The following PCDHA6 variants were observed in gnomAD, a reference collection of about 807,000 sequenced individuals.
PCDHA6 encodes the protein protocadherin alpha-6.
A neutral mutation model predicts 60.3 loss-of-function variants in PCDHA6; 55 were observed. The ratio of observed to expected loss-of-function variants is 0.91; its 90% CI spans 0.73 to 1.14. The LOEUF (loss-of-function observed/expected upper bound fraction) is 1.14. PCDHA6 is among the 50% of genes most tolerant of loss of function. PCDHA6 has a pLI of 0.00. For synonymous variants in PCDHA6, 652 were observed against 557.9 expected, an observed-to-expected ratio of 1.17 and a Z score of -2.38; for missense variants, 1,327 against 1,256.5, an observed-to-expected ratio of 1.06 and a Z score of -0.85.
intron 1 of PCDHA6, chr5:140,856,129 C>T: frequency 6.3e-7 from 1 of 1,598,096 alleles, no homozygotes; most frequent in Non-Finnish European, 8.6e-7. Flanking sequence ...AGGTGGGGAG[C>T]GGCCAGCTCC....
intron 1 of PCDHA6, among the ~76,000 whole-genome samples, chr5:140,873,602 C>T (rs1554166789): frequency 6.6e-6 from 1 of 152,118 alleles, no homozygotes; most frequent in African/African-American, 2.4e-5. Flanking sequence ...TTAGATGTTC[C>T]TATTGGCTTA....
chr5:140,852,232 T>A (rs1441900683), intron 1 of PCDHA6: 2 of 602,048 alleles, frequency 3.3e-6, no homozygotes, highest in African/African-American at 4.0e-5. Context: ...TTTTAAATTT[T>A]CCCTTAAAAC....
chr5:140,926,798 C>G, intron 1 of PCDHA6: 2 of 1,455,342 alleles, frequency 1.4e-6, no homozygotes, highest in Non-Finnish European at 1.8e-6. Flanking sequence ...GGAGCGTGCT[C>G]TTCCCCGCGG....
Position 140,978,960 on chromosome 5 carries a change from C to G in PCDHA6, c.2406C>G (p.Pro802=), listed in dbSNP as rs560855761. The G allele has an allele frequency of 2.6e-5, 42 of 1,614,120 alleles. No homozygotes were observed. The highest frequency in any genetic ancestry group is 2.5e-4 in the African/African-American group (19 of 75,024). The change falls in exon 2 of 4, where the codon CCC becomes CCG. Residue 802 remains proline, a synonymous_variant. Coordinates refer to ENST00000529310, the MANE Select transcript of PCDHA6 (RefSeq NM_018909.4). ...TTGTGATTTTGCAGCCACGACAGCC[C>G]AACCCTGACTGGCGTTACTCTGCCT... ...NEDHDAKPRQ[P]NPDWRYSASL...
intron 1 of PCDHA6, among the ~76,000 whole-genome samples, chr5:140,887,774 C>G (rs2061572628): frequency 6.6e-6 from 1 of 152,168 alleles, no homozygotes; most frequent in Non-Finnish European, 1.5e-5. Context: ...TACAATGACA[C>G]AGGTCATTGA....
At chr5:140,856,713 C>T in intron 1 of PCDHA6, 1 of 1,596,470 alleles carries the variant, frequency 6.3e-7, no homozygotes, top group Non-Finnish European at 8.6e-7. Context: ...CCTGAATTTA[C>T]CGGATCTGTT....
chr5:140,840,105 T>A (rs1418979878), intron 1 of PCDHA6, among the ~76,000 whole-genome samples: 1 of 151,974 alleles, frequency 6.6e-6, no homozygotes, highest in Non-Finnish European at 1.5e-5. Context: ...TTTAGTGAAA[T>A]CGAGTGAAAG....
chr5:140,830,054 G>A lies in PCDHA6; in HGVS notation c.1963G>A (p.Gly655Ser), dbSNP rs2150180380. 4.3e-6 allele frequency: 7 copies of A among 1,613,740 alleles called. No homozygotes were observed. Among genetic ancestry groups the A allele is most frequent in the South Asian group, 1.1e-5 (1 of 91,076 alleles). The change falls in exon 1 of 4, where the codon GGT (glycine) becomes AGT (serine). Residue 655 changes from glycine to serine, a missense_variant. By Grantham distance (56) the Gly-to-Ser change is moderately conservative. Transcript: ENST00000529310. ...GCTGCTGGTGCTGGTGAAAGACCACGGTGAGCCGGCGCTGACAGCGACGGC... is the reference window on the plus strand; with the variant it reads ...GCTGCTGGTGCTGGTGAAAGACCACAGTGAGCCGGCGCTGACAGCGACGGC... ...HRLLVLVKDH[G>S]EPALTATATV...
Position 140,828,537 on chromosome 5 carries a change from A to C in PCDHA6, c.446A>C (p.Asp149Ala). 4 of 1,614,236 alleles carry C rather than the reference A, an allele frequency of 2.5e-6. No individual in the cohort carries two copies. Among genetic ancestry groups the C allele is most frequent in the Non-Finnish European group, 3.4e-6 (4 of 1,180,044 alleles). ...CTGATTTACGAATCTAGGCTGCCAG[A>C]TTCTGTGTTTCCACTGGAGGGCGCG... Reference protein sequence around the residue: ...RVLIYESRLPDSVFPLEGASD... With the variant: ...RVLIYESRLPASVFPLEGASD... The change falls in exon 1 of 4, where the codon GAT becomes GCT. Residue 149 changes from aspartate (D) to alanine (A), a missense_variant. Physicochemically the swap from Asp to Ala is moderately radical, Grantham distance 126 (BLOSUM62 -2). Coordinates refer to ENST00000529310, the MANE Select transcript of PCDHA6 (RefSeq NM_018909.4).
chr5:140,830,283 C>T lies in PCDHA6; in HGVS notation c.2192C>T (p.Ala731Val), dbSNP rs2150184279. 10 of 1,613,762 alleles carry T rather than the reference C, an allele frequency of 6.2e-6. No homozygotes were observed. The highest frequency in any genetic ancestry group is 4.4e-5 in the South Asian group (4 of 91,054). Residue 731 changes from alanine (A) to valine (V), a missense_variant, in exon 1 of 4, where the codon GCG (alanine) becomes GTG (valine). Ala to Val is a moderately conservative substitution (Grantham distance 64). Coordinates refer to ENST00000529310, the MANE Select transcript of PCDHA6 (RefSeq NM_018909.4). ...TGCTCGGCGCCACCCACCGAGGGCG[C>T]GTGCACGGCGGACAAGCCCACGCTG... is the stretch of plus-strand genomic sequence containing the variant. ...LRCSAPPTEG[A>V]CTADKPTLVC...
chr5:140,932,493 T>C (rs148938081), intron 1 of PCDHA6, among the ~76,000 whole-genome samples: 1 of 151,888 alleles, frequency 6.6e-6, no homozygotes, highest in Non-Finnish European at 1.5e-5. Flanking sequence ...CTTTGCAATG[T>C]CATTTGTTAA....
rs782547925 is a variant in PCDHA6, at chr5:140,967,973, G to A, written c.2395-10976G>A. 4 of 1,614,170 alleles carry A rather than the reference G, an allele frequency of 2.5e-6. No individual in the cohort carries two copies. In the African/African-American group the frequency reaches 4.0e-5, roughly 16 times the overall value. On this transcript the variant is annotated intron_variant, in intron 1 of 3. Coordinates refer to ENST00000529310, the MANE Select transcript of PCDHA6 (RefSeq NM_018909.4). ...AGGCCCCAACCGGAAAGTGAGCCTG[G>A]GTCTGGAGGCCACACTGCCTTTCCG... is the stretch of plus-strand genomic sequence containing the variant.
At chr5:141,003,404 C>T (rs1220823523) in intron 3 of PCDHA6, among the ~76,000 whole-genome samples, 4 of 152,138 alleles carry the variant, frequency 2.6e-5, no homozygotes, top group African/African-American at 4.8e-5. Context: ...CTCCGCCTCC[C>T]GGGTTCGAGT....
Position 140,965,562 on chromosome 5 carries a change from A to G in PCDHA6, c.2395-13387A>G, listed in dbSNP as rs548302746. 1.9e-4 allele frequency among the ~76,000 whole-genome samples: 29 copies of G among 152,242 alleles called. No homozygotes were observed. In the South Asian group the frequency reaches 6.0e-3, roughly 32 times the overall value. On this transcript the variant is annotated intron_variant, in intron 1 of 3. Coordinates refer to ENST00000529310, the MANE Select transcript of PCDHA6 (RefSeq NM_018909.4). ...AATTCCAGCCTGGCTTAGGAGATCA[A>G]CAGTAACGCTCTTGATTTAATGGTT...
chr5:140,832,598 C>A (rs868938084), intron 1 of PCDHA6, among the ~76,000 whole-genome samples: 1 of 152,252 alleles, frequency 6.6e-6, no homozygotes, highest in African/African-American at 2.4e-5. Flanking sequence ...AGAACTATAG[C>A]GTTGCTAGTG....
intron 1 of PCDHA6, among the ~76,000 whole-genome samples, chr5:140,892,396 T>G (rs1263522999): frequency 1.3e-5 from 2 of 152,212 alleles, no homozygotes; most frequent in Non-Finnish European, 2.9e-5. Context: ...TCTTAATCTA[T>G]TTCAAGCTTC....
chr5:140,885,641 T>G (rs917089389), intron 1 of PCDHA6, among the ~76,000 whole-genome samples: 10 of 152,200 alleles, frequency 6.6e-5, no homozygotes, highest in Admixed American at 6.5e-4. Context: ...GCCTTCCAAG[T>G]ATTTTGGAAC....
At chr5:140,920,616 C>A (rs929240808) in intron 1 of PCDHA6, among the ~76,000 whole-genome samples, 1 of 152,012 alleles carries the variant, frequency 6.6e-6, no homozygotes, top group African/African-American at 2.4e-5. Flanking sequence ...GAGGCCGAGG[C>A]GGATGGATCA....
intron 1 of PCDHA6, chr5:140,851,117 T>G: frequency 7.7e-7 from 1 of 1,306,460 alleles, no homozygotes; most frequent in Non-Finnish European, 9.9e-7. Flanking sequence ...TGAATCAATT[T>G]TATTTAAATT....
Sources: gnomAD v4.1 joint callset for allele counts (sites outside exome capture counted in the v4.1 genomes callset) on GRCh38, gnomAD v4.1.1 for gene constraint, MANE v1.5 for transcripts, NCBI Gene and HGNC (gene_info 2026-07-23, HGNC 2026-07-21) for gene names.